The following FNDC3B variants were observed in gnomAD, a reference collection of about 807,000 sequenced individuals.
FNDC3B encodes the protein fibronectin type III domain containing 3B, also known as fibronectin type III domain-containing protein 3B.
A neutral mutation model predicts 151.5 loss-of-function variants in FNDC3B; 12 were observed. The ratio of observed to expected loss-of-function variants is 0.08; its 90% CI spans 0.05 to 0.13. The LOEUF is 0.13. FNDC3B is among the 10% of genes least tolerant of loss of function. The probability of loss-of-function intolerance (pLI) is 1.00; values close to 1 mark genes in which losing one functional copy is unlikely to be tolerated. For synonymous variants in FNDC3B, 528 were observed against 549.0 expected (o/e 0.96, Z 0.54); for missense variants, 1,214 against 1,505.3 (o/e 0.81, Z 3.20).
At chr3:172,128,386 C>G (rs1347537242) in intron 2 of FNDC3B, among the ~76,000 whole-genome samples, 3 of 152,206 alleles carry the variant, frequency 2.0e-5, no homozygotes, top group Non-Finnish European at 4.4e-5. Context: ...CATCGCTTCC[C>G]TTTTCCTGAT....
chr3:172,206,659 CAAAAAAAAAA>C (rs57377409), intron 3 of FNDC3B, among the ~76,000 whole-genome samples: 4 of 54,480 alleles, frequency 7.3e-5, no homozygotes, highest in Non-Finnish European at 1.3e-4. Flanking sequence ...AACTCCATCT[CAAAAAAAAAA>C]AAAAAAAAAA....
At chr3:172,270,754 A>C (rs2108802980) in intron 6 of FNDC3B, among the ~76,000 whole-genome samples, 1 of 152,338 alleles carries the variant, frequency 6.6e-6, no homozygotes, top group Middle Eastern at 3.4e-3. Flanking sequence ...TGCAGAGCTC[A>C]CTCAAGGGGA....
At chr3:172,047,504 C>G (rs544898737) in intron 1 of FNDC3B, among the ~76,000 whole-genome samples, 5 of 152,208 alleles carry the variant, frequency 3.3e-5, no homozygotes, top group Admixed American at 6.5e-5. Context: ...TTTTAAGCAC[C>G]TTGGGAAAAT....
chr3:172,325,759 C>G (rs934759592), intron 11 of FNDC3B, among the ~76,000 whole-genome samples: 1 of 152,212 alleles, frequency 6.6e-6, no homozygotes. Context: ...TTCTCAGCTG[C>G]AGATCACTTT....
chr3:172,289,336 G>A (rs1730197047), intron 7 of FNDC3B, among the ~76,000 whole-genome samples: 1 of 152,018 alleles, frequency 6.6e-6, no homozygotes, highest in South Asian at 2.1e-4. Flanking sequence ...ATTTTACTGG[G>A]CCCAGCCAGA....
At chr3:172,100,829 C>G (rs573677885) in intron 1 of FNDC3B, among the ~76,000 whole-genome samples, 1 of 152,130 alleles carries the variant, frequency 6.6e-6, no homozygotes, top group Admixed American at 6.5e-5. Flanking sequence ...AAAAACAGTT[C>G]TAAACTGATT....
At chr3:172,244,949 A>G (rs1727701705) in intron 4 of FNDC3B, among the ~76,000 whole-genome samples, 1 of 152,096 alleles carries the variant, frequency 6.6e-6, no homozygotes, top group South Asian at 2.1e-4. Flanking sequence ...TTTAAAATAA[A>G]TCTTTTTAAT....
At chr3:172,159,438 T>C (rs1722663280) in intron 3 of FNDC3B, among the ~76,000 whole-genome samples, 1 of 152,170 alleles carries the variant, frequency 6.6e-6, no homozygotes, top group African/African-American at 2.4e-5. Flanking sequence ...TCCTATTCAC[T>C]CTAAAGTGAA....
chr3:172,178,969 G>T (rs1398106002), intron 3 of FNDC3B, among the ~76,000 whole-genome samples: 1 of 152,136 alleles, frequency 6.6e-6, no homozygotes, highest in Non-Finnish European at 1.5e-5. Context: ...AAATTGGTTT[G>T]TCTTTAAATT....
In FNDC3B at chr3:172,235,098, G is replaced by T. The variant is rs543152476; in HGVS notation, c.264+8151G>T. 1.2e-4 allele frequency among the ~76,000 whole-genome samples: 18 copies of T among 152,132 alleles called. No individual in the cohort carries two copies. The South Asian group carries it at 3.7e-3, about 32-fold the overall frequency. ...AAGGAGACCAGTTTTTTCAAAACTG[G>T]TCAAATTTTTTTAAAAGGTGATACG... On this transcript the variant is annotated intron_variant, in intron 4 of 25. Transcript: ENST00000415807.
At chr3:172,365,446 C>T (rs1734572299) in intron 23 of FNDC3B, among the ~76,000 whole-genome samples, 1 of 152,162 alleles carries the variant, frequency 6.6e-6, no homozygotes, top group African/African-American at 2.4e-5. Flanking sequence ...TCTTTCTTAC[C>T]TGCAGGCTCT....
At chr3:172,385,564 T>C (rs990759421) in intron 25 of FNDC3B, among the ~76,000 whole-genome samples, 1 of 111,666 alleles carries the variant, frequency 9.0e-6, no homozygotes, top group Non-Finnish European at 1.8e-5. Context: ...ACCTTTTTTC[T>C]TTTTTTTTTT....
rs979264916 is a variant in FNDC3B at position 172,226,160 on chromosome 3, C to T, written c.188-711C>T. Reference sequence around the variant, plus strand: ...TCTCTACTAAAAATACAAAAATTAGCTGGGCGTGGTGGCGGGCACCTGTAA... The same window carrying T: ...TCTCTACTAAAAATACAAAAATTAGTTGGGCGTGGTGGCGGGCACCTGTAA... On this transcript the variant is annotated intron_variant, in intron 3 of 25. Coordinates refer to ENST00000415807, the MANE Select transcript of FNDC3B (RefSeq NM_022763.4). Among the ~76,000 whole-genome samples the T allele has an allele frequency of 3.3e-5, 5 of 152,056 alleles. No homozygotes were observed. The South Asian group carries it at 6.3e-4, about 19-fold the overall frequency.
At chr3:172,234,254 C>T (rs1727028105) in intron 4 of FNDC3B, among the ~76,000 whole-genome samples, 2 of 152,188 alleles carry the variant, frequency 1.3e-5, no homozygotes, top group Admixed American at 1.3e-4. Context: ...TTGGGTGTGT[C>T]ACTTGTTTAC....
At chr3:172,129,091 C>A (rs1720945282) in intron 2 of FNDC3B, among the ~76,000 whole-genome samples, 1 of 152,188 alleles carries the variant, frequency 6.6e-6, no homozygotes, top group South Asian at 2.1e-4. Context: ...GCCTCACCCT[C>A]CTGAGTTGCT....
intron 1 of FNDC3B, among the ~76,000 whole-genome samples, chr3:172,061,800 C>T (rs1240236167): frequency 2.0e-5 from 3 of 152,170 alleles, no homozygotes; most frequent in Non-Finnish European, 2.9e-5. Context: ...CCACTAATTG[C>T]TTTGTTCAGC....
intron 11 of FNDC3B, among the ~76,000 whole-genome samples, chr3:172,312,217 T>C (rs900839657): frequency 1.3e-5 from 2 of 152,200 alleles, no homozygotes; most frequent in African/African-American, 4.8e-5. Flanking sequence ...TATTTTCCCA[T>C]CTGGGTTGCA....
At chr3:172,059,020 C>CT (rs1717052233) in intron 1 of FNDC3B, among the ~76,000 whole-genome samples, 1 of 152,174 alleles carries the variant, frequency 6.6e-6, no homozygotes, top group Non-Finnish European at 1.5e-5. Context: ...CATTTTGCCT[C>CT]TGACATTTTG....
At chr3:172,239,752 A>G (rs1369635429) in intron 4 of FNDC3B, among the ~76,000 whole-genome samples, 2 of 148,452 alleles carry the variant, frequency 1.3e-5, no homozygotes, top group Non-Finnish European at 3.0e-5. Context: ...AGTAAGAGGA[A>G]CTATCTTTTC....
Sources: allele counts gnomAD v4.1 joint callset (sites outside exome capture counted in the v4.1 genomes callset), GRCh38; gene constraint gnomAD v4.1.1; transcripts MANE v1.5; gene names NCBI Gene and HGNC (gene_info 2026-07-23, HGNC 2026-07-21).